The following FH variants were observed in gnomAD, a reference collection of about 807,000 sequenced individuals.
The protein encoded by FH is fumarate hydratase, mitochondrial.
FH carries 22 observed loss-of-function variants against 49.4 expected under a neutral mutation model. That is an observed-to-expected ratio of 0.45 (90% CI 0.32 to 0.64). FH has a LOEUF of 0.64. Ranked by LOEUF, FH falls within the 30% of genes least tolerant of loss-of-function variation. The probability of loss-of-function intolerance (pLI) is 0.05; values close to 1 mark genes in which losing one functional copy is unlikely to be tolerated. For missense variants in FH, 526 were observed against 641.5 expected (o/e 0.82, Z 1.95); for synonymous variants, 208 against 223.0 (o/e 0.93, Z 0.60).
At chr1:241,501,830 G>A (rs563120557) in intron 8 of FH, among the ~76,000 whole-genome samples, 12 of 152,266 alleles carry the variant, frequency 7.9e-5, no homozygotes, top group Admixed American at 6.5e-4. Flanking sequence ...ATCGATCTTC[G>A]TAAAGACGAA....
At position 241,519,606 on chromosome 1, in the gene FH, C is replaced by T. The variant is rs1291665514; in HGVS notation, c.117G>A (p.Pro39=). The T allele has an allele frequency of 1.3e-6, 2 of 1,547,562 alleles. No individual in the cohort carries two copies. Among genetic ancestry groups the T allele is most frequent in the Non-Finnish European group, 1.7e-6 (2 of 1,146,382 alleles). ...CTGCGCTCACCATTCGAGCCGCGTT[C>T]GGAGGCCAAAACGAGGGCACGGCCG... ...GGAAVPSFWP[P]NAARMASQNS... is the part of the protein sequence containing the mutation. Residue 39 remains proline, a synonymous_variant, in exon 1 of 10, where the codon CCG becomes CCA. Coordinates refer to ENST00000366560, the MANE Select transcript of FH (RefSeq NM_000143.4).
chr1:241,506,201 G>C (rs1160403432), intron 5 of FH, 33 bp from the exon 6 acceptor site: 6 of 1,522,586 alleles, frequency 3.9e-6, no homozygotes, highest in South Asian at 1.1e-5. Context: ...GTAAGAATAA[G>C]TAATTCCTAA....
rs546292221 is a variant in FH at position 241,501,226 on chromosome 1, C to G, written c.1237-636G>C. On this transcript the variant is annotated intron_variant, in intron 8 of 9. Transcript: ENST00000366560. ...AATATTTATTAAGATATATCCAAATCCTAATATCCTCTGGTCTAAAACTCC... is the reference window on the plus strand; with the variant it reads ...AATATTTATTAAGATATATCCAAATGCTAATATCCTCTGGTCTAAAACTCC... Among the ~76,000 whole-genome samples the G allele has an allele frequency of 1.2e-3, 181 of 152,210 alleles. 1 individual carries two copies. Among genetic ancestry groups the G allele is most frequent in the African/African-American group, 4.3e-3 (180 of 41,552 alleles).
At position 241,502,482 on chromosome 1, in the gene FH, G is replaced by A. The variant is rs1659805592; in HGVS notation, c.1197C>T (p.Ser399=). 1 of 1,614,064 alleles carries A rather than the reference G, an allele frequency of 6.2e-7. No homozygotes were observed. The highest frequency in any genetic ancestry group is 1.3e-5 in the African/African-American group (1 of 75,036). The change falls in exon 8 of 10, where the codon AGC becomes AGT. Residue 399 remains serine, a synonymous_variant. Transcript: ENST00000366560. ...GNHVAVTVGG[S]NGHFELNVFK... ...AAACATTCAACTCAAAATGTCCATT[G>A]CTGCCTCCGACAGTGACAGCAACAT...
chr1:241,510,453 A>G (rs1260306124), intron 4 of FH, among the ~76,000 whole-genome samples: 1 of 152,224 alleles, frequency 6.6e-6, no homozygotes, highest in Non-Finnish European at 1.5e-5. Flanking sequence ...CCTGAAGAAT[A>G]AAATAAATAA....
intron 8 of FH, 136 bp from the exon 9 acceptor site, chr1:241,500,726 T>C: frequency 8.0e-7 from 1 of 1,244,944 alleles, no homozygotes; most frequent in Non-Finnish European, 1.1e-6. Flanking sequence ...CATATAGATC[T>C]TCTACAAATT....
At chr1:241,498,694 CATATATATAT>C (rs56361117) in intron 9 of FH, among the ~76,000 whole-genome samples, 1,370 of 53,080 alleles carry the variant, frequency 0.026, 54 homozygotes, top group East Asian at 0.039. Context: ...GCTGTCTTAA[CATATATATAT>C]ATATATATAT....
At chr1:241,501,305 T>A (rs1659774123) in intron 8 of FH, among the ~76,000 whole-genome samples, 1 of 152,214 alleles carries the variant, frequency 6.6e-6, no homozygotes, top group African/African-American at 2.4e-5. Flanking sequence ...ATCTAAGTTT[T>A]AATTTGCTAC....
intron 4 of FH, among the ~76,000 whole-genome samples, chr1:241,509,635 G>C (rs1424416435): frequency 6.6e-6 from 1 of 152,150 alleles, no homozygotes; most frequent in Non-Finnish European, 1.5e-5. Flanking sequence ...AGTTAGCCAG[G>C]CATGGCGGTG....
Position 241,504,035 on chromosome 1 carries a change from T to C in FH, c.1108+7A>G, listed in dbSNP as rs765397179. On this transcript the variant is annotated splice_region_variant and intron_variant, in intron 7 of 9. Coordinates refer to ENST00000366560, the MANE Select transcript of FH (RefSeq NM_000143.4). ...TTAGCTCCAACATTTACTAGCTATG[T>C]GATTACCTGGCATGATACTGCTTCC... 3.7e-6 allele frequency: 6 copies of C among 1,612,744 alleles called. No homozygotes were observed. The East Asian group carries it at 1.1e-4, about 30-fold the overall frequency.
At chr1:241,500,031 A>G (rs1329150447) in intron 9 of FH, among the ~76,000 whole-genome samples, 2 of 152,156 alleles carry the variant, frequency 1.3e-5, no homozygotes, top group Non-Finnish European at 2.9e-5. Flanking sequence ...AAATTAAAGC[A>G]TTGTAGAGAT....
intron 9 of FH, among the ~76,000 whole-genome samples, chr1:241,498,244 G>A (rs1659673954): frequency 6.6e-6 from 1 of 152,032 alleles, no homozygotes; most frequent in Non-Finnish European, 1.5e-5. Flanking sequence ...ATATTTTGAA[G>A]GGGAAAAAAG....
intron 9 of FH, among the ~76,000 whole-genome samples, 155 bp downstream of exon 9, chr1:241,500,282 A>T (rs1029703967): frequency 6.6e-6 from 1 of 152,202 alleles, no homozygotes; most frequent in Non-Finnish European, 1.5e-5. Flanking sequence ...GTTATATAGT[A>T]CCTTTCCACA....
intron 2 of FH, among the ~76,000 whole-genome samples, chr1:241,516,157 G>A (rs1361743512): frequency 6.6e-6 from 1 of 152,042 alleles, no homozygotes; most frequent in Non-Finnish European, 1.5e-5. Flanking sequence ...TAGAACCCTA[G>A]TAAAAATCTG....
At chr1:241,516,494 A>AGGG (rs1660214294) in intron 2 of FH, among the ~76,000 whole-genome samples, 1 of 152,114 alleles carries the variant, frequency 6.6e-6, no homozygotes, top group South Asian at 2.1e-4. Context: ...CAAAGCACAC[A>AGGG]GGGGCCTGTG....
intron 7 of FH, among the ~76,000 whole-genome samples, chr1:241,503,352 TAA>T (rs1242242475): frequency 2.0e-5 from 3 of 152,234 alleles, no homozygotes; most frequent in African/African-American, 7.2e-5. Context: ...TTCTCACTAT[TAA>T]AAGTTACATT....
intron 4 of FH, 75 bp from the exon 5 acceptor site, chr1:241,508,860 C>G (rs1475211038): frequency 7.5e-7 from 1 of 1,336,648 alleles, no homozygotes; most frequent in Admixed American, 2.0e-5. Flanking sequence ...AATTAAACTT[C>G]TCAATTAAAA....
rs200496951 is a variant in FH at position 241,519,596 on chromosome 1, G to C, written c.127C>G (p.Arg43Gly). Reference protein sequence around the residue: ...VPSFWPPNAARMASQNSFRIE... With the variant: ...VPSFWPPNAAGMASQNSFRIE... ...GGATGGCGGCCTGCGCTCACCATTC[G>C]AGCCGCGTTCGGAGGCCAAAACGAG... Residue 43 changes from arginine to glycine, a missense_variant, in exon 1 of 10, where the codon CGA (arginine) becomes GGA (glycine). Around this residue, in one of 2 missense-constraint regions of FH, gnomAD observed 143 missense variants for 127.5 expected, o/e 1.12. Coordinates refer to ENST00000366560, the MANE Select transcript of FH (RefSeq NM_000143.4). The C allele has an allele frequency of 1.9e-6, 3 of 1,547,492 alleles. No homozygotes were observed. Among genetic ancestry groups the C allele is most frequent in the Middle Eastern group, 2.3e-4 (1 of 4,360 alleles).
At chr1:241,498,544 C>T (rs1039239356) in intron 9 of FH, among the ~76,000 whole-genome samples, 24 of 151,162 alleles carry the variant, frequency 1.6e-4, no homozygotes, top group African/African-American at 5.6e-4. Context: ...TATACCCTGG[C>T]CTCCTCCCAG....
Sources: gnomAD v4.1 joint callset for allele counts (sites outside exome capture counted in the v4.1 genomes callset) on GRCh38, gnomAD v4.1.1 for gene constraint, gnomAD v4.1.1 regional missense constraint, MANE v1.5 for transcripts, NCBI Gene and HGNC (gene_info 2026-07-23, HGNC 2026-07-21) for gene names.